The following MTOR variants were observed in gnomAD, a reference collection of about 807,000 sequenced individuals.
MTOR encodes mechanistic target of rapamycin kinase.
MTOR carries 70 observed loss-of-function variants against 319.8 expected under a neutral mutation model. The observed-to-expected ratio is 0.22, with a 90% confidence interval of 0.18 to 0.27. The LOEUF (loss-of-function observed/expected upper bound fraction) is 0.27. Among genes scored for constraint, MTOR ranks in the 10% least tolerant of loss-of-function variants. The pLI, the probability that MTOR is intolerant of heterozygous loss-of-function variation, is 1.00. For synonymous variants in MTOR, 1,183 were observed against 1,211.4 expected, an observed-to-expected ratio of 0.98 and a Z score of 0.49; for missense variants, 1,890 against 3,274.4, an observed-to-expected ratio of 0.58 and a Z score of 10.32.
At chr1:11,155,699 G>A (rs1360622778) in intron 30 of MTOR, among the ~76,000 whole-genome samples, 2 of 152,162 alleles carry the variant, frequency 1.3e-5, no homozygotes, top group African/African-American at 4.8e-5. Flanking sequence ...GCTGATTAGG[G>A]TGCTTCCTAT....
chr1:11,124,223 C>G (rs1642697524), intron 47 of MTOR, among the ~76,000 whole-genome samples: 1 of 152,194 alleles, frequency 6.6e-6, no homozygotes, highest in South Asian at 2.1e-4. Context: ...AGCCACCATG[C>G]CCAGCCTTTT....
intron 18 of MTOR, among the ~76,000 whole-genome samples, chr1:11,229,707 A>G (rs1646956777): frequency 6.6e-6 from 1 of 152,220 alleles, no homozygotes; most frequent in African/African-American, 2.4e-5. Context: ...TTAACTTTCA[A>G]TGTCAGAAAT....
intron 20 of MTOR, among the ~76,000 whole-genome samples, chr1:11,215,052 T>C (rs1341352349): frequency 6.6e-6 from 1 of 152,244 alleles, no homozygotes; most frequent in Non-Finnish European, 1.5e-5. Flanking sequence ...GCACCTTCTC[T>C]ATCTGGGATG....
At chr1:11,254,067 C>T in intron 5 of MTOR, 94 bp from the exon 6 acceptor site, 1 of 1,444,054 alleles carries the variant, frequency 6.9e-7, no homozygotes. Flanking sequence ...TTCTGAGGTG[C>T]TACCACGCCT....
At position 11,233,407 on chromosome 1, in the gene MTOR, T is replaced by C. The variant is rs573881829; in HGVS notation, c.2412A>G (p.Glu804=). Residue 804 remains glutamate, a synonymous_variant, in exon 15 of 58, where the codon GAA becomes GAG. Transcript: ENST00000361445. Reference sequence around the variant, plus strand: ...GTAGCTGCCCCTTTACCTGTGCCAATTCTCCTATTGTTGCCAGGACATTAT... The same window carrying C: ...GTAGCTGCCCCTTTACCTGTGCCAACTCTCCTATTGTTGCCAGGACATTAT... ...VINNVLATIG[E]LAQVSGLEMR... The C allele has an allele frequency of 2.3e-3, 3,670 of 1,614,064 alleles. 102 individuals carry two copies. The South Asian group carries it at 0.038, about 17-fold the overall frequency.
chr1:11,217,167 TA>T (rs1646497077), intron 19 of MTOR, among the ~76,000 whole-genome samples: 1 of 151,974 alleles, frequency 6.6e-6, no homozygotes, highest in South Asian at 2.1e-4. Context: ...CAAACTGGGG[TA>T]GGGATAGGAT....
Position 11,234,072 on chromosome 1 carries a change from A to C in MTOR, c.2331+71T>G, listed in dbSNP as rs536513049. 163 of 1,608,372 alleles carry C rather than the reference A, an allele frequency of 1.0e-4. No individual in the cohort carries two copies. The South Asian group carries it at 1.7e-3, about 17-fold the overall frequency. On this transcript the variant is annotated intron_variant, in intron 14 of 57. Transcript: ENST00000361445. ...TGTTCAGTGTACTAGTGAACACTGA[A>C]ACACTCCCATCTCCCCATATGAGCT... is the stretch of plus-strand genomic sequence containing the variant.
intron 47 of MTOR, 87 bp from the exon 48 acceptor site, chr1:11,122,213 T>G: frequency 6.6e-7 from 1 of 1,517,292 alleles, no homozygotes; most frequent in Non-Finnish European, 8.9e-7. Context: ...TGTTTTTTTT[T>G]TCTTTTTTGA....
intron 34 of MTOR, among the ~76,000 whole-genome samples, chr1:11,142,593 G>A (rs763307562): frequency 6.6e-6 from 1 of 152,120 alleles, no homozygotes; most frequent in Non-Finnish European, 1.5e-5. Context: ...CACCATGCCT[G>A]GCCAAGTGAA....
At chr1:11,145,143 T>A in intron 32 of MTOR, 98 bp from the exon 33 acceptor site, 2 of 1,021,256 alleles carry the variant, frequency 2.0e-6, no homozygotes, top group African/African-American at 1.6e-5. Flanking sequence ...CTGTCTCACT[T>A]AAATTCCAGG....
At chr1:11,146,635 CTT>C (rs1300094080) in intron 32 of MTOR, 39 bp downstream of exon 32, 2 of 1,529,328 alleles carry the variant, frequency 1.3e-6, no homozygotes, top group South Asian at 1.1e-5. Context: ...GCACTACAAT[CTT>C]TTCCTCACTG....
intron 36 of MTOR, among the ~76,000 whole-genome samples, chr1:11,138,320 A>T (rs1407341259): frequency 2.0e-5 from 3 of 152,192 alleles, no homozygotes; most frequent in African/African-American, 7.2e-5. Context: ...AAACAACAAA[A>T]AAACAAATAA....
At chr1:11,227,477 C>T (rs1646882700) in intron 19 of MTOR, among the ~76,000 whole-genome samples, 1 of 151,970 alleles carries the variant, frequency 6.6e-6, no homozygotes. Flanking sequence ...GGAAAAGTAA[C>T]TAATTGAGGT....
At chr1:11,154,105 C>CAAAAA (rs1644242910) in intron 30 of MTOR, among the ~76,000 whole-genome samples, 1 of 76,704 alleles carries the variant, frequency 1.3e-5, no homozygotes, top group Non-Finnish European at 2.5e-5. Context: ...AAAAAAAAAG[C>CAAAAA]CACATGTGGC....
At chr1:11,134,303 G>A (rs889544769) in intron 37 of MTOR, 48 bp downstream of exon 37, 1 of 1,550,516 alleles carries the variant, frequency 6.4e-7, no homozygotes, top group Non-Finnish European at 8.9e-7. Flanking sequence ...AAGCTGCTGG[G>A]ATGACAGGGC....
chr1:11,154,308 T>G (rs1367876201), intron 30 of MTOR, among the ~76,000 whole-genome samples: 2 of 151,868 alleles, frequency 1.3e-5, no homozygotes, highest in Admixed American at 1.3e-4. Context: ...CCCAGGCTAG[T>G]GTCAAACTTC....
Position 11,233,432 on chromosome 1 carries a change from T to C in MTOR, c.2387A>G (p.Asn796Ser), listed in dbSNP as rs767907905. 4 of 1,614,170 alleles carry C rather than the reference T, an allele frequency of 2.5e-6. No individual in the cohort carries two copies. The highest frequency in any genetic ancestry group is 1.1e-5 in the South Asian group (1 of 91,088). Residue 796 changes from asparagine (N) to serine (S), a missense_variant, in exon 15 of 58, where the codon AAT becomes AGT. By Grantham distance (46) the Asn-to-Ser change is conservative. This residue lies in a region of MTOR where 377 missense variants were observed against 653.9 expected (regional missense o/e 0.58). Coordinates refer to ENST00000361445, the MANE Select transcript of MTOR (RefSeq NM_004958.4). ...TTCTCCTATTGTTGCCAGGACATTA[T>C]TGATCACACCTGGGTTTGGATCAGG... The part of the protein sequence containing the change: ...PDPDPNPGVI[N>S]NVLATIGELA...
At chr1:11,157,468 G>A (rs1644353858) in intron 29 of MTOR, among the ~76,000 whole-genome samples, 177 bp from the exon 30 acceptor site, 1 of 152,248 alleles carries the variant, frequency 6.6e-6, no homozygotes, top group African/African-American at 2.4e-5. Context: ...GCTGCTTGGG[G>A]AAGGTGGAAA....
chr1:11,255,277 G>A (rs1650215655), intron 5 of MTOR, among the ~76,000 whole-genome samples: 1 of 150,986 alleles, frequency 6.6e-6, no homozygotes, highest in African/African-American at 2.4e-5. Flanking sequence ...CAGCTACTCG[G>A]GAGGCTGAGG....
Sources: allele counts gnomAD v4.1 joint callset (sites outside exome capture counted in the v4.1 genomes callset), GRCh38; gene constraint gnomAD v4.1.1; regional missense constraint gnomAD v4.1.1; transcripts MANE v1.5; gene names NCBI Gene and HGNC (gene_info 2026-07-23, HGNC 2026-07-21).